The following DOK6 variants were observed in gnomAD, a reference collection of about 807,000 sequenced individuals.
DOK6 encodes the protein docking protein 6.
In DOK6, 22 loss-of-function variants were observed where a neutral mutation model predicts 44.0. The ratio of observed to expected loss-of-function variants is 0.50; its 90% confidence interval spans 0.36 to 0.71. The LOEUF (loss-of-function observed/expected upper bound fraction) is 0.71. DOK6 is among the 30% of genes least tolerant of loss of function. The pLI is 0.00. For missense variants in DOK6, 340 were observed against 416.4 expected, an observed-to-expected ratio of 0.82 and a Z score of 1.60; for synonymous variants, 166 against 145.5, an observed-to-expected ratio of 1.14 and a Z score of -1.01.
At chr18:69,519,262 G>T (rs759008872) in intron 1 of DOK6, among the ~76,000 whole-genome samples, 9 of 151,982 alleles carry the variant, frequency 5.9e-5, no homozygotes, top group Non-Finnish European at 1.0e-4. Flanking sequence ...AGTGTATATT[G>T]ATGCAGACTT....
chr18:69,541,403 A>G (rs1369505027), intron 1 of DOK6, among the ~76,000 whole-genome samples: 1 of 151,526 alleles, frequency 6.6e-6, no homozygotes, highest in Non-Finnish European at 1.5e-5. Context: ...TTGATGATGT[A>G]TGTATATTAT....
At chr18:69,600,772 G>A (rs1466398093) in intron 3 of DOK6, among the ~76,000 whole-genome samples, 1 of 151,994 alleles carries the variant, frequency 6.6e-6, no homozygotes, top group African/African-American at 2.4e-5. Flanking sequence ...TGAATGTATA[G>A]GAAATACTGG....
chr18:69,433,295 A>AT (rs1377398730), intron 1 of DOK6, among the ~76,000 whole-genome samples: 2 of 152,102 alleles, frequency 1.3e-5, no homozygotes. Flanking sequence ...TTCTTCCTGA[A>AT]TTTTTTTTCT....
chr18:69,508,730 C>A (rs1981264914), intron 1 of DOK6, among the ~76,000 whole-genome samples: 1 of 151,910 alleles, frequency 6.6e-6, no homozygotes, highest in African/African-American at 2.4e-5. Context: ...CATACTATAG[C>A]AGAGATATTT....
intron 3 of DOK6, among the ~76,000 whole-genome samples, chr18:69,676,555 A>G (rs1226404535): frequency 6.6e-6 from 1 of 152,216 alleles, no homozygotes; most frequent in Non-Finnish European, 1.5e-5. Flanking sequence ...AGAGATTTAC[A>G]GAGAATCCAT....
At chr18:69,700,227 A>G (rs2095247029) in intron 5 of DOK6, among the ~76,000 whole-genome samples, 1 of 148,038 alleles carries the variant, frequency 6.8e-6, no homozygotes, top group Non-Finnish European at 1.5e-5. Flanking sequence ...ATATATATAT[A>G]TATATATGAA....
chr18:69,691,184 A>AAAAT (rs149335802), intron 4 of DOK6, among the ~76,000 whole-genome samples: 30,326 of 140,224 alleles, frequency 0.22, 3,539 homozygotes, highest in East Asian at 0.32. Flanking sequence ...ACTCTGTCTC[A>AAAAT]AAATAAATAA....
chr18:69,739,477 T>C (rs2144738216), intron 6 of DOK6, among the ~76,000 whole-genome samples: 1 of 152,236 alleles, frequency 6.6e-6, no homozygotes, highest in East Asian at 1.9e-4. Context: ...CCAGGAAGGG[T>C]TCCACTTTAT....
intron 1 of DOK6, among the ~76,000 whole-genome samples, chr18:69,407,489 G>T (rs1383450529): frequency 6.6e-6 from 1 of 152,044 alleles, no homozygotes; most frequent in Non-Finnish European, 1.5e-5. Flanking sequence ...TTTCTTCAAG[G>T]TCTTGTAACT....
chr18:69,509,851 G>A (rs1022790620), intron 1 of DOK6, among the ~76,000 whole-genome samples: 8 of 152,064 alleles, frequency 5.3e-5, no homozygotes, highest in Admixed American at 2.0e-4. Context: ...TTGTGCCATC[G>A]TTGAGATTCT....
chr18:69,411,108 T>C (rs543786198), intron 1 of DOK6, among the ~76,000 whole-genome samples: 4 of 152,272 alleles, frequency 2.6e-5, no homozygotes, highest in South Asian at 2.1e-4. Flanking sequence ...GTAGGTACCC[T>C]TGTGGTTTTT....
chr18:69,641,470 C>T (rs1984940541), intron 3 of DOK6, among the ~76,000 whole-genome samples: 2 of 152,160 alleles, frequency 1.3e-5, no homozygotes, highest in Non-Finnish European at 2.9e-5. Flanking sequence ...GAGCCACCCA[C>T]AGATTTTTAA....
At chr18:69,717,222 G>C (rs1371381210) in intron 5 of DOK6, among the ~76,000 whole-genome samples, 1 of 151,948 alleles carries the variant, frequency 6.6e-6, no homozygotes, top group African/African-American at 2.4e-5. Flanking sequence ...ATATATTTCT[G>C]GGTTTTAATA....
chr18:69,650,454 C>T (rs1416605742), intron 3 of DOK6, among the ~76,000 whole-genome samples: 2 of 152,038 alleles, frequency 1.3e-5, no homozygotes, highest in African/African-American at 4.8e-5. Context: ...ACCCGGGGTC[C>T]TAAAAAGGAA....
intron 1 of DOK6, among the ~76,000 whole-genome samples, chr18:69,543,150 T>C (rs146478595): frequency 0.046 from 6,946 of 151,640 alleles, 426 homozygotes; most frequent in Admixed American, 0.099. Flanking sequence ...TAAACCCTTT[T>C]TCTTTCTTTA....
At chr18:69,649,741 C>T (rs1303961841) in intron 3 of DOK6, among the ~76,000 whole-genome samples, 1 of 151,966 alleles carries the variant, frequency 6.6e-6, no homozygotes, top group Non-Finnish European at 1.5e-5. Context: ...GCAATAGAAA[C>T]GTTATTTTTA....
rs548031851 is a variant in DOK6 at position 69,512,332 on chromosome 18, CTTTTT to C, written c.67-52134_67-52130del. Among the ~76,000 whole-genome samples, 391 of 91,650 alleles carry C rather than the reference CTTTTT, an allele frequency of 4.3e-3. 1 individual carries two copies. The highest frequency in any genetic ancestry group is 0.017 in the African/African-American group (362 of 21,322). 60.1% of individuals were successfully genotyped at this position (91,650 alleles called of 152,430 possible). On this transcript the variant is annotated intron_variant, in intron 1 of 7. Transcript: ENST00000382713. ...ACCCCTTCGTCTTTGCTTTCTTCTT[CTTTTT>C]TTTTTTTTTTTTTTTTTTTTAGGTA... is the stretch of plus-strand genomic sequence containing the variant.
intron 1 of DOK6, among the ~76,000 whole-genome samples, chr18:69,503,374 A>G (rs1253908780): frequency 2.0e-5 from 3 of 152,124 alleles, no homozygotes; most frequent in Admixed American, 6.5e-5. Flanking sequence ...TCTTTGTGGC[A>G]GGGAGAGTTC....
rs531490318 is a variant in DOK6, at chr18:69,430,921, G to A, written c.66+29611G>A. ...ACGGAGGTTGCAGTGAGCTGAGATT[G>A]CGCCACTGCACTCTAGCCTGGCGAC... On this transcript the variant is annotated intron_variant, in intron 1 of 7. Coordinates refer to ENST00000382713, the MANE Select transcript of DOK6 (RefSeq NM_152721.6). Among the ~76,000 whole-genome samples the A allele has an allele frequency of 3.3e-5, 5 of 152,308 alleles. No individual in the cohort carries two copies. In the East Asian group the frequency reaches 9.7e-4, roughly 29 times the overall value.
Sources: allele counts gnomAD v4.1 joint callset (sites outside exome capture counted in the v4.1 genomes callset), GRCh38; gene constraint gnomAD v4.1.1; transcripts MANE v1.5; gene names NCBI Gene and HGNC (gene_info 2026-07-23, HGNC 2026-07-21).